OCLN: variants seen among roughly 807,000 people sequenced by gnomAD.
OCLN encodes phosphatase 1, regulatory subunit 115.
Under a neutral mutation model 47.9 loss-of-function variants are expected in OCLN, and 21 were observed. The observed-to-expected ratio is 0.44, with a 90% confidence interval of 0.31 to 0.63. OCLN has a LOEUF of 0.63. Among genes scored for constraint, OCLN ranks in the 30% least tolerant of loss-of-function variants. OCLN has a pLI of 0.08. For missense variants in OCLN, 360 were observed against 571.0 expected (o/e 0.63, Z 3.77); for synonymous variants, 117 against 198.4 (o/e 0.59, Z 3.45).
At chr5:69,507,776 T>C (rs1768649354) in intron 2 of OCLN, among the ~76,000 whole-genome samples, 1 of 152,012 alleles carries the variant, frequency 6.6e-6, no homozygotes, top group Non-Finnish European at 1.5e-5. Flanking sequence ...CAACTAGTTT[T>C]TGTATTTTCA....
chr5:69,527,448 T>C (rs1769313408), intron 4 of OCLN, among the ~76,000 whole-genome samples: 1 of 152,210 alleles, frequency 6.6e-6, no homozygotes, highest in Non-Finnish European at 1.5e-5. Flanking sequence ...TCAGTATCTG[T>C]TGGTGGATGA....
Position 69,517,314 on chromosome 5 carries a change from ATTT to A in OCLN, c.891+3217_891+3219del, listed in dbSNP as rs58026583. 3.7e-3 allele frequency among the ~76,000 whole-genome samples: 494 copies of A among 131,902 alleles called. 2 individuals are homozygous for A. Among genetic ancestry groups the A allele is most frequent in the African/African-American group, 0.01 (328 of 32,124 alleles). 86.5% of individuals were successfully genotyped at this position (131,902 alleles called of 152,430 possible). On this transcript the variant is annotated intron_variant, in intron 4 of 8. Coordinates refer to ENST00000396442, the MANE Select transcript of OCLN (RefSeq NM_001205254.2). The stretch of plus-strand genomic sequence containing the variant: ...GACATTAATATATATATATATATAT[ATTT>A]TTTTTTTTTTTGAGACGGCTTCTGG...
chr5:69,506,271 C>T (rs972412368), intron 2 of OCLN, among the ~76,000 whole-genome samples: 2 of 152,104 alleles, frequency 1.3e-5, no homozygotes, highest in African/African-American at 4.8e-5. Context: ...ATAGGGAAAC[C>T]CTGTCTTTTA....
In OCLN at chr5:69,509,785, A is replaced by G. The variant is rs753530209; in HGVS notation, c.695A>G (p.Tyr232Cys). Residue 232 changes from tyrosine to cysteine, a missense_variant, in exon 3 of 9, where the codon TAT becomes TGT. By Grantham distance (194) the Tyr-to-Cys change is radical. Transcript: ENST00000396442. ...GCTACTGGACTCTACGTGGATCAGT[A>G]TTTGTATCACTACTGTGTTGTGGAT... ...PAATGLYVDQYLYHYCVVDPQ... is the reference protein window; with the variant it reads ...PAATGLYVDQCLYHYCVVDPQ... 2 of 1,613,918 alleles carry G rather than the reference A, an allele frequency of 1.2e-6. No individual in the cohort carries two copies.
At chr5:69,517,780 T>G (rs1217272724) in intron 4 of OCLN, among the ~76,000 whole-genome samples, 1 of 152,128 alleles carries the variant, frequency 6.6e-6, no homozygotes, top group Non-Finnish European at 1.5e-5. Flanking sequence ...GCCCTTGACT[T>G]GAAGCCCTGT....
intron 1 of OCLN, among the ~76,000 whole-genome samples, chr5:69,497,900 A>G (rs1347555312): frequency 6.6e-6 from 1 of 152,060 alleles, no homozygotes; most frequent in African/African-American, 2.4e-5. Flanking sequence ...TGGGAGGCCG[A>G]GGCGGGCGGA....
chr5:69,525,416 T>C (rs1334394202), intron 4 of OCLN, among the ~76,000 whole-genome samples: 1 of 152,156 alleles, frequency 6.6e-6, no homozygotes, highest in African/African-American at 2.4e-5. Context: ...TGAGTGTACA[T>C]TTCTATAAGA....
Position 69,506,915 on chromosome 5 carries a change from A to T in OCLN, c.51-2226A>T, listed in dbSNP as rs1405442666. Among the ~76,000 whole-genome samples, 3 of 152,314 alleles carry T rather than the reference A, an allele frequency of 2.0e-5. No homozygotes were observed. In the East Asian group the frequency reaches 5.8e-4, roughly 29 times the overall value. ...TTTGTAAATAATGGTGAACTGCAAC[A>T]TACATAAAGAAAAGGACACAGAACA... On this transcript the variant is annotated intron_variant, in intron 2 of 8. Transcript: ENST00000396442.
chr5:69,522,565 G>C (rs1450793286), intron 4 of OCLN, among the ~76,000 whole-genome samples: 1 of 152,020 alleles, frequency 6.6e-6, no homozygotes, highest in Non-Finnish European at 1.5e-5. Flanking sequence ...TCCAGTTTTT[G>C]TGTTTTTGTT....
intron 7 of OCLN, among the ~76,000 whole-genome samples, chr5:69,548,415 G>A (rs1304903728): frequency 2.0e-5 from 3 of 149,366 alleles, no homozygotes; most frequent in South Asian, 2.1e-4. Flanking sequence ...CCGGGTTCAC[G>A]CCATTCTCCT....
At chr5:69,509,857 A>G (rs1228708254) in intron 3 of OCLN, 38 bp downstream of exon 3, 3 of 1,449,608 alleles carry the variant, frequency 2.1e-6, no homozygotes, top group Non-Finnish European at 1.9e-6. Context: ...CCATCTCCTT[A>G]GCAGAGGCCT....
intron 1 of OCLN, among the ~76,000 whole-genome samples, chr5:69,496,009 T>C (rs768561384): frequency 1.3e-5 from 2 of 152,156 alleles, no homozygotes; most frequent in African/African-American, 2.4e-5. Context: ...TGACACAGAG[T>C]CTATTACAAA....
chr5:69,537,971 G>T (rs1329461600), intron 5 of OCLN, among the ~76,000 whole-genome samples: 4 of 113,596 alleles, frequency 3.5e-5, no homozygotes, highest in African/African-American at 1.5e-4. Flanking sequence ...TGAAGCACCT[G>T]CCTGAGGCTC....
At chr5:69,513,113 C>G (rs2111987413) in intron 3 of OCLN, among the ~76,000 whole-genome samples, 1 of 152,306 alleles carries the variant, frequency 6.6e-6, no homozygotes, top group African/African-American at 2.4e-5. Context: ...TCTTAGTTCT[C>G]TTACTACTTA....
chr5:69,508,787 A>C (rs953768010), intron 2 of OCLN, among the ~76,000 whole-genome samples: 2 of 152,256 alleles, frequency 1.3e-5, no homozygotes, highest in African/African-American at 2.4e-5. Flanking sequence ...TTTGGAAAAC[A>C]GTTTGATACT....
At chr5:69,499,007 TATA>T (rs1768381695) in intron 1 of OCLN, among the ~76,000 whole-genome samples, 1 of 152,124 alleles carries the variant, frequency 6.6e-6, no homozygotes, top group Non-Finnish European at 1.5e-5. Flanking sequence ...AATCTCTAGT[TATA>T]ATACCGTATA....
At chr5:69,527,093 A>G (rs1392958391) in intron 4 of OCLN, among the ~76,000 whole-genome samples, 1 of 152,134 alleles carries the variant, frequency 6.6e-6, no homozygotes, top group East Asian at 1.9e-4. Context: ...GCTGGCCAAC[A>G]TGGTGAAACT....
intron 2 of OCLN, among the ~76,000 whole-genome samples, chr5:69,504,515 G>T (rs1484936930): frequency 1.3e-5 from 2 of 152,166 alleles, no homozygotes; most frequent in African/African-American, 4.8e-5. Context: ...TATTCCTAAT[G>T]TTTGTTTCAA....
intron 4 of OCLN, among the ~76,000 whole-genome samples, chr5:69,532,748 A>C (rs1769466637): frequency 6.6e-6 from 1 of 152,032 alleles, no homozygotes; most frequent in African/African-American, 2.4e-5. Flanking sequence ...TGGGTGGATC[A>C]TTTAAGGTCA....
Sources: gnomAD v4.1 joint callset for allele counts (sites outside exome capture counted in the v4.1 genomes callset) on GRCh38, gnomAD v4.1.1 for gene constraint, MANE v1.5 for transcripts, NCBI Gene and HGNC (gene_info 2026-07-23, HGNC 2026-07-21) for gene names.